CSMD2: variants seen among roughly 807,000 people sequenced by gnomAD.
CSMD2 encodes CUB and Sushi multiple domains 2.
A neutral mutation model predicts 398.5 loss-of-function variants in CSMD2; 130 were observed. The ratio of observed to expected loss-of-function variants is 0.33; its 90% CI spans 0.28 to 0.38. The LOEUF is 0.38. Ranked by LOEUF, CSMD2 falls within the 10% of genes least tolerant of loss-of-function variation. The pLI is 1.00. For synonymous variants in CSMD2, 1,828 were observed against 1,908.5 expected (o/e 0.96, Z 1.10); for missense variants, 3,829 against 4,764.9 (o/e 0.80, Z 5.78).
chr1:33,852,070 A>C (rs529309101), intron 5 of CSMD2, among the ~76,000 whole-genome samples: 1 of 152,238 alleles, frequency 6.6e-6, no homozygotes, highest in Non-Finnish European at 1.5e-5. Flanking sequence ...GCTTTCCCCC[A>C]GTCGTTTCTG....
intron 9 of CSMD2, among the ~76,000 whole-genome samples, chr1:33,816,046 T>C (rs1057023527): frequency 1.3e-5 from 2 of 152,120 alleles, no homozygotes; most frequent in Admixed American, 6.5e-5. Context: ...GTTTGTGCCA[T>C]ATTTCTCCTG....
At chr1:33,703,039 CATTTGTCT>C (rs1226116001) in intron 22 of CSMD2, among the ~76,000 whole-genome samples, 1 of 151,980 alleles carries the variant, frequency 6.6e-6, no homozygotes, top group Non-Finnish European at 1.5e-5. Flanking sequence ...TATTCTATTG[CATTTGTCT>C]ATTTGTCTAT....
At chr1:34,111,881 C>T (rs191998880) in intron 1 of CSMD2, among the ~76,000 whole-genome samples, 8 of 152,272 alleles carry the variant, frequency 5.3e-5, no homozygotes, top group East Asian at 1.9e-4. Flanking sequence ...CAACTAGACA[C>T]GACTCCATTA....
chr1:33,969,542 T>C (rs933960676), intron 3 of CSMD2, among the ~76,000 whole-genome samples: 2 of 152,250 alleles, frequency 1.3e-5, no homozygotes, highest in Non-Finnish European at 1.5e-5. Context: ...TATAATACTA[T>C]CTCATTGGAC....
chr1:33,851,585 T>C (rs958504729), intron 5 of CSMD2, among the ~76,000 whole-genome samples: 2 of 152,154 alleles, frequency 1.3e-5, no homozygotes, highest in African/African-American at 4.8e-5. Context: ...AGAAACCCTT[T>C]TGAAAATGTC....
chr1:33,868,045 T>C (rs1174589514), intron 5 of CSMD2, among the ~76,000 whole-genome samples: 1 of 152,214 alleles, frequency 6.6e-6, no homozygotes, highest in African/African-American at 2.4e-5. Flanking sequence ...TGCTGGCTTC[T>C]AATGACTGTA....
rs746116665 is a variant in CSMD2, at chr1:33,550,273, G to T, written c.8821C>A (p.Arg2941=). Residue 2941 remains arginine (R), a synonymous_variant, in exon 56 of 71, where the codon CGG becomes AGG. Coordinates refer to ENST00000373381, the MANE Select transcript of CSMD2 (RefSeq NM_001281956.2). ...GDSYTVGAVV[R]YSCIGKRTLV... ...GTACGCTTGCCGATGCAGCTGTACC[G>T]CACCACTGCTCCCACAGTATAACTG... 6.2e-7 allele frequency: 1 copy of T among 1,614,044 alleles called. No homozygotes were observed. The highest frequency in any genetic ancestry group is 1.1e-5 in the South Asian group (1 of 91,084).
chr1:33,540,448 C>G, intron 60 of CSMD2, 77 bp downstream of exon 60: 1 of 1,516,706 alleles, frequency 6.6e-7, no homozygotes, highest in Non-Finnish European at 9.0e-7. Context: ...CTGGGCCTTC[C>G]AGCCACAAAG....
intron 56 of CSMD2, among the ~76,000 whole-genome samples, chr1:33,548,007 T>A (rs1010602845): frequency 6.6e-6 from 1 of 152,154 alleles, no homozygotes; most frequent in African/African-American, 2.4e-5. Flanking sequence ...AGTGAGTGAG[T>A]TCTCATGAGA....
At chr1:33,542,589 A>G in intron 58 of CSMD2, 131 bp downstream of exon 58, 1 of 744,008 alleles carries the variant, frequency 1.3e-6, no homozygotes, top group Non-Finnish European at 2.1e-6. Flanking sequence ...GGCTATTCAT[A>G]TGATTATCGT....
chr1:33,927,749 A>G (rs1466159994), intron 4 of CSMD2, among the ~76,000 whole-genome samples: 1 of 152,062 alleles, frequency 6.6e-6, no homozygotes, highest in Non-Finnish European at 1.5e-5. Context: ...GGGGTTTTCC[A>G]GGCATGAGAC....
chr1:33,727,329 G>C (rs375111363), intron 15 of CSMD2, among the ~76,000 whole-genome samples: 18 of 152,228 alleles, frequency 1.2e-4, no homozygotes, highest in African/African-American at 4.3e-4. Flanking sequence ...GCTGCTGGCT[G>C]TCTCTGGTCT....
chr1:33,839,089 G>A (rs1660591393), intron 6 of CSMD2: 1 of 152,224 alleles, frequency 6.6e-6, no homozygotes, highest in Non-Finnish European at 1.5e-5. Context: ...ACAAATGTTG[G>A]AAGGGTGTCA....
rs758836289 is a variant in CSMD2, at chr1:33,519,589, T to G, written c.10825A>C (p.Asn3609His). The G allele has an allele frequency of 2.5e-6, 4 of 1,614,120 alleles. No homozygotes were observed. The East Asian group carries it at 8.9e-5, about 36-fold the overall frequency. Residue 3609 changes from asparagine (N) to histidine (H), a missense_variant, in exon 70 of 71, where the codon AAC becomes CAC. Physicochemically the swap from Asn to His is moderately conservative, Grantham distance 68. Around this residue, in one of 5 missense-constraint regions of CSMD2, gnomAD observed 917 missense variants for 1,199.5 expected, o/e 0.76. Coordinates refer to ENST00000373381, the MANE Select transcript of CSMD2 (RefSeq NM_001281956.2). The surrounding 1 kb of genome is among the most constrained non-coding windows in gnomAD (Gnocchi z 5.6). ...ATFENPMYDR[N>H]IQPTDIMASE... Reference sequence around the variant, plus strand: ...GCCATGATGTCTGTGGGCTGGATGTTGCGGTCGTACATTGGGTTCTCAAAT... The same window carrying G: ...GCCATGATGTCTGTGGGCTGGATGTGGCGGTCGTACATTGGGTTCTCAAAT...
chr1:33,676,115 C>T (rs1325831754), intron 25 of CSMD2, among the ~76,000 whole-genome samples: 3 of 152,142 alleles, frequency 2.0e-5, no homozygotes, highest in Non-Finnish European at 4.4e-5. Flanking sequence ...CCTGGGCAAT[C>T]AGGCAGGAGA....
At chr1:33,798,622 G>A (rs112310161) in intron 10 of CSMD2, among the ~76,000 whole-genome samples, 1,561 of 152,360 alleles carry the variant, frequency 0.01, 24 homozygotes, top group Middle Eastern at 0.037. Flanking sequence ...CACAGCCAGA[G>A]CAGGCAGTCT....
chr1:33,606,070 G>A, intron 41 of CSMD2: 2 of 1,511,104 alleles, frequency 1.3e-6, no homozygotes, highest in Non-Finnish European at 1.8e-6. Flanking sequence ...CCCTCCAAAG[G>A]GCAGGGAAGC....
At chr1:33,820,659 G>A (rs755645409) in intron 7 of CSMD2, 103 bp from the exon 8 acceptor site, 41 of 780,820 alleles carry the variant, frequency 5.3e-5, no homozygotes, top group Non-Finnish European at 8.1e-5. Context: ...GGAGGTGGAG[G>A]CAGAGACAGA....
chr1:34,086,020 G>A (rs1456190234), intron 2 of CSMD2, among the ~76,000 whole-genome samples: 19 of 130,178 alleles, frequency 1.5e-4, no homozygotes, highest in African/African-American at 1.7e-4. Flanking sequence ...AAGTTTCCTG[G>A]AAAAAAAAAA....
Sources: gnomAD v4.1 joint callset for allele counts (sites outside exome capture counted in the v4.1 genomes callset) on GRCh38, gnomAD v4.1.1 for gene constraint, gnomAD v4.1.1 regional missense constraint, Gnocchi (gnomAD v3.1) non-coding constraint, MANE v1.5 for transcripts, NCBI Gene and HGNC (gene_info 2026-07-23, HGNC 2026-07-21) for gene names.